The following GORASP2 variants were observed in gnomAD, a reference collection of about 807,000 sequenced individuals.
GORASP2 encodes the protein golgi reassembly stacking protein 2, also known as Golgi reassembly-stacking protein 2.
A neutral mutation model predicts 45.7 loss-of-function variants in GORASP2; 22 were observed. The observed-to-expected ratio is 0.48, with a 90% confidence interval of 0.34 to 0.69. The LOEUF is 0.69. GORASP2 is among the 30% of genes least tolerant of loss of function. The probability of loss-of-function intolerance (pLI) is 0.01; values close to 1 mark genes in which losing one functional copy is unlikely to be tolerated. For synonymous variants in GORASP2, 221 were observed against 215.6 expected (o/e 1.02, Z -0.22); for missense variants, 491 against 562.7 (o/e 0.87, Z 1.29).
intron 1 of GORASP2, among the ~76,000 whole-genome samples, chr2:170,934,105 CCTAA>C (rs1180003145): frequency 6.6e-6 from 1 of 152,002 alleles, no homozygotes; most frequent in African/African-American, 2.4e-5. Context: ...TTAAATGGTG[CCTAA>C]CTAACCTATC....
chr2:170,937,307 C>G (rs1575469106), intron 1 of GORASP2, among the ~76,000 whole-genome samples: 1 of 152,188 alleles, frequency 6.6e-6, no homozygotes, highest in Non-Finnish European at 1.5e-5. Flanking sequence ...TTCATGGGCT[C>G]CAGCAGTTCT....
At position 170,960,111 on chromosome 2, in the gene GORASP2, G is replaced by A. The variant is rs190907154; in HGVS notation, c.824-1552G>A. ...GCTGGGATTACAGGCATGAGCCACC[G>A]TGCCTGGCCCAAGTGTATCACCATT... On this transcript the variant is annotated intron_variant, in intron 7 of 9. Transcript: ENST00000234160. 1.2e-3 allele frequency among the ~76,000 whole-genome samples: 181 copies of A among 152,130 alleles called. 1 individual carries two copies. The highest frequency in any genetic ancestry group is 2.6e-3 in the Admixed American group (39 of 15,266).
intron 7 of GORASP2, among the ~76,000 whole-genome samples, chr2:170,960,963 A>G (rs1389550117): frequency 6.6e-6 from 1 of 152,234 alleles, no homozygotes; most frequent in Non-Finnish European, 1.5e-5. Context: ...GTGTGCTTTC[A>G]TTTATTGTTT....
intron 1 of GORASP2, among the ~76,000 whole-genome samples, chr2:170,937,745 C>T (rs772047906): frequency 2.6e-5 from 4 of 151,952 alleles, no homozygotes; most frequent in Non-Finnish European, 2.9e-5. Context: ...TTTGGGAGGC[C>T]GAGGCAGAGT....
In GORASP2 at chr2:170,953,532, T is replaced by C. The variant is rs76985685; in HGVS notation, c.567-1118T>C. ...CAAGTTGTTTGGGAAATAAAAGACA[T>C]CATGATGGAAACATAAGTTGGAACC... On this transcript the variant is annotated intron_variant, in intron 5 of 9. Coordinates refer to ENST00000234160, the MANE Select transcript of GORASP2 (RefSeq NM_015530.5). 1.2e-3 allele frequency among the ~76,000 whole-genome samples: 177 copies of C among 152,232 alleles called. 1 individual carries two copies. Among genetic ancestry groups the C allele is most frequent in the African/African-American group, 4.2e-3 (173 of 41,530 alleles).
chr2:170,964,331 T>A (rs538013038), intron 9 of GORASP2, among the ~76,000 whole-genome samples: 3 of 152,316 alleles, frequency 2.0e-5, no homozygotes, highest in Non-Finnish European at 4.4e-5. Context: ...TTCCTTAACC[T>A]ACTTAGTTTT....
rs766241015 is a variant in GORASP2 at position 170,929,329 on chromosome 2, T to C, written c.-12T>C. 2 of 1,358,086 alleles carry C rather than the reference T, an allele frequency of 1.5e-6. No individual in the cohort carries two copies. The highest frequency in any genetic ancestry group is 3.7e-5 in the South Asian group (2 of 54,768). The allele number at this position is 1,358,086 out of a possible 1,614,324, so 84.1% of individuals were successfully genotyped here. Reference sequence around the variant, plus strand: ...GCGGAGCCCGGCTCGGCCACACCGATCGCCCGCCGCCATGGGCTCCTCGCA... The same window carrying C: ...GCGGAGCCCGGCTCGGCCACACCGACCGCCCGCCGCCATGGGCTCCTCGCA... On this transcript the variant is annotated 5_prime_UTR_variant, in exon 1 of 10. Transcript: ENST00000234160.
At chr2:170,954,567 T>TTA in intron 5 of GORASP2, 83 bp from the exon 6 acceptor site, 1 of 1,155,262 alleles carries the variant, frequency 8.7e-7, no homozygotes. Context: ...TGCTCTTGGG[T>TTA]TACCCGCCCC....
chr2:170,946,060 G>A (rs1440438601), intron 1 of GORASP2, among the ~76,000 whole-genome samples: 4 of 151,752 alleles, frequency 2.6e-5, no homozygotes, highest in South Asian at 4.2e-4. Flanking sequence ...CCCCTATACC[G>A]GAGTGCAGTG....
rs148562421 is a variant in GORASP2, at chr2:170,962,091, C to T, written c.910+342C>T. Reference sequence around the variant, plus strand: ...CCACTGTCTCCTTAGTGAGGATTTCCTGGCAGTCATTCGTGTGAGCCTGAA... The same window carrying T: ...CCACTGTCTCCTTAGTGAGGATTTCTTGGCAGTCATTCGTGTGAGCCTGAA... On this transcript the variant is annotated intron_variant, in intron 8 of 9. Transcript: ENST00000234160. Among the ~76,000 whole-genome samples, 96 of 152,326 alleles carry T rather than the reference C, an allele frequency of 6.3e-4. 1 individual carries two copies. The East Asian group carries it at 9.4e-3, about 15-fold the overall frequency.
rs143913562 is a variant in GORASP2, at chr2:170,962,079, A to G, written c.910+330A>G. ...GAAGTCCATTCTCCACTGTCTCCTT[A>G]GTGAGGATTTCCTGGCAGTCATTCG... On this transcript the variant is annotated intron_variant, in intron 8 of 9. Coordinates refer to ENST00000234160, the MANE Select transcript of GORASP2 (RefSeq NM_015530.5). Among the ~76,000 whole-genome samples the G allele has an allele frequency of 4.9e-4, 75 of 152,348 alleles. No homozygotes were observed. In the East Asian group the frequency reaches 0.011, roughly 22 times the overall value.
At chr2:170,956,319 T>C in intron 6 of GORASP2, 117 bp from the exon 7 acceptor site, 1 of 851,440 alleles carries the variant, frequency 1.2e-6, no homozygotes, top group Non-Finnish European at 1.8e-6. Context: ...AGATGAAGCT[T>C]GTGACAGCTC....
At chr2:170,940,926 T>C (rs1226358770) in intron 1 of GORASP2, among the ~76,000 whole-genome samples, 4 of 152,202 alleles carry the variant, frequency 2.6e-5, no homozygotes, top group African/African-American at 7.2e-5. Context: ...GACACCACTT[T>C]AGGGATTATT....
intron 6 of GORASP2, among the ~76,000 whole-genome samples, chr2:170,956,197 G>A (rs1400242310): frequency 6.6e-6 from 1 of 152,152 alleles, no homozygotes; most frequent in Admixed American, 6.5e-5. Context: ...TGCAACTTGG[G>A]GTAGAAGCCA....
rs748922315 is a variant in GORASP2, at chr2:170,965,895, C to G, written c.1124C>G (p.Ser375Cys). 91 of 1,613,834 alleles carry G rather than the reference C, an allele frequency of 5.6e-5. No homozygotes were observed. The highest frequency in any genetic ancestry group is 7.6e-5 in the Non-Finnish European group (90 of 1,179,964). The stretch of plus-strand genomic sequence containing the variant: ...TCATTCCCCTTGGTTCCAGAGAGCT[C>G]TTCTGCAGCAAGCTCAGGAGAGCTG... Reference protein sequence around the residue: ...LPSFPLVPESSSAASSGELLS... With the variant: ...LPSFPLVPESCSAASSGELLS... The change falls in exon 10 of 10, where the codon TCT becomes TGT. Residue 375 changes from serine (S) to cysteine (C), a missense_variant. By Grantham distance (112) the Ser-to-Cys change is moderately radical (BLOSUM62 -1). Transcript: ENST00000234160.
intron 1 of GORASP2, among the ~76,000 whole-genome samples, chr2:170,947,860 C>G (rs556998761): frequency 6.6e-6 from 1 of 152,306 alleles, no homozygotes; most frequent in Non-Finnish European, 1.5e-5. Context: ...GTGGCTCACA[C>G]CTGTAATCCC....
chr2:170,930,302 A>G (rs1432386309), intron 1 of GORASP2, among the ~76,000 whole-genome samples: 1 of 152,232 alleles, frequency 6.6e-6, no homozygotes, highest in Non-Finnish European at 1.5e-5. Flanking sequence ...CTTTAGAAGT[A>G]GCATTGATGG....
rs774837858 is a variant in GORASP2, at chr2:170,965,896, T to C, written c.1125T>C (p.Ser375=). Residue 375 remains serine (S), a synonymous_variant, in exon 10 of 10, where the codon TCT becomes TCC. Coordinates refer to ENST00000234160, the MANE Select transcript of GORASP2 (RefSeq NM_015530.5). Reference sequence around the variant, plus strand: ...CATTCCCCTTGGTTCCAGAGAGCTCTTCTGCAGCAAGCTCAGGAGAGCTGC... The same window carrying C: ...CATTCCCCTTGGTTCCAGAGAGCTCCTCTGCAGCAAGCTCAGGAGAGCTGC... ...LPSFPLVPES[S]SAASSGELLS... is the part of the protein sequence containing the mutation. 2 of 1,613,938 alleles carry C rather than the reference T, an allele frequency of 1.2e-6. No individual in the cohort carries two copies. Among genetic ancestry groups the C allele is most frequent in the South Asian group, 1.1e-5 (1 of 91,076 alleles).
Position 170,929,381 on chromosome 2 carries a change from C to T in GORASP2, c.41C>T (p.Thr14Ile). ...AGCGTCGAGATCCCGGGCGGGGGCA[C>T]CGAGGGCTACCACGTTCTGCGGGTA... Reference protein sequence around the residue: ...SQSVEIPGGGTEGYHVLRVQE... With the variant: ...SQSVEIPGGGIEGYHVLRVQE... The change falls in exon 1 of 10, where the codon ACC (threonine) becomes ATC (isoleucine). Residue 14 changes from threonine to isoleucine, a missense_variant. Transcript: ENST00000234160. The T allele has an allele frequency of 7.0e-7, 1 of 1,418,598 alleles. No homozygotes were observed. Among genetic ancestry groups the T allele is most frequent in the Admixed American group, 2.7e-5 (1 of 36,790 alleles). The allele number at this position is 1,418,598 out of a possible 1,614,324, so 87.9% of individuals were successfully genotyped here.
Sources: allele counts gnomAD v4.1 joint callset (sites outside exome capture counted in the v4.1 genomes callset), GRCh38; gene constraint gnomAD v4.1.1; transcripts MANE v1.5; gene names NCBI Gene and HGNC (gene_info 2026-07-23, HGNC 2026-07-21).